HJURP: variants seen among roughly 807,000 people sequenced by gnomAD.
HJURP encodes 14-3-3-associated AKT substrate.
Under a neutral mutation model 72.0 loss-of-function variants are expected in HJURP, and 49 were observed. The observed-to-expected ratio is 0.68, with a 90% confidence interval of 0.54 to 0.86. The LOEUF (loss-of-function observed/expected upper bound fraction) is 0.86, where lower values mean the gene tolerates loss of function less well. Among genes scored for constraint, HJURP ranks in the 40% least tolerant of loss-of-function variants. The pLI is 0.00. For missense variants in HJURP, 908 were observed against 936.3 expected (o/e 0.97, Z 0.39); for synonymous variants, 357 against 347.1 (o/e 1.03, Z -0.32).
chr2:233,844,320 C>A, intron 6 of HJURP, 37 bp from the exon 7 acceptor site: 4 of 1,554,588 alleles, frequency 2.6e-6, no homozygotes, highest in Non-Finnish European at 3.6e-6. Context: ...AAAAAAGTTG[C>A]CAGGTGTCAA....
intron 8 of HJURP, among the ~76,000 whole-genome samples, chr2:233,840,168 A>G (rs965835): frequency 0.18 from 27,223 of 151,988 alleles, 3,560 homozygotes; most frequent in East Asian, 0.49. Context: ...TGGCTCTCCC[A>G]GGCCACTCTT....
In HJURP at chr2:233,841,076, T is replaced by C; in HGVS notation, c.1704A>G (p.Glu568=). 3 of 1,614,216 alleles carry C rather than the reference T, an allele frequency of 1.9e-6. No homozygotes were observed. Among genetic ancestry groups the C allele is most frequent in the Non-Finnish European group, 2.5e-6 (3 of 1,180,044 alleles). The change falls in exon 8 of 9, where the codon GAA becomes GAG. Residue 568 remains glutamate (E), a synonymous_variant. Transcript: ENST00000411486. ...PSKTLSVPDK[E]VPGHGRNRYD... Reference sequence around the variant, plus strand: ...AACGATTCCTTCCGTGGCCTGGCACTTCTTTATCTGGGACTGAAAGAGTTT... The same window carrying C: ...AACGATTCCTTCCGTGGCCTGGCACCTCTTTATCTGGGACTGAAAGAGTTT...
chr2:233,844,334 G>T, intron 6 of HJURP, 51 bp from the exon 7 acceptor site: 2 of 1,388,342 alleles, frequency 1.4e-6, no homozygotes, highest in Non-Finnish European at 2.1e-6. Flanking sequence ...GTGTCAACTG[G>T]GTGCAAGGAG....
At chr2:233,847,238 G>A (rs774022454) in intron 5 of HJURP, among the ~76,000 whole-genome samples, 159 bp downstream of exon 5, 3 of 152,264 alleles carry the variant, frequency 2.0e-5, no homozygotes, top group Middle Eastern at 3.4e-3. Flanking sequence ...GAATCGACAC[G>A]AGGAAATCCG....
Position 233,847,173 on chromosome 2 carries a change from G to C in HJURP, c.402+224C>G, listed in dbSNP as rs534792389. ...ATCATCGTGAATCAGGCTTGCACTG[G>C]GGGTAGAACTGGCTGCCAGGTGCTA... On this transcript the variant is annotated intron_variant, in intron 5 of 8. Coordinates refer to ENST00000411486, the MANE Select transcript of HJURP (RefSeq NM_018410.5). 7.2e-5 allele frequency among the ~76,000 whole-genome samples: 11 copies of C among 152,294 alleles called. No individual in the cohort carries two copies. The East Asian group carries it at 2.1e-3, about 29-fold the overall frequency.
rs1338686499 is a variant in HJURP at position 233,840,768 on chromosome 2, T to G, written c.2012A>C (p.Asp671Ala). Residue 671 changes from aspartate to alanine, a missense_variant, in exon 8 of 9, where the codon GAT becomes GCT. This residue lies in a region of HJURP where 598 missense variants were observed against 619.5 expected (regional missense o/e 0.97). Transcript: ENST00000411486. ...STCVARAITR[D>A]GTRDHQFPAK... ...AGGGAACTGATGGTCCCTCGTGCCA[T>G]CCCTCGTGATGGCACGAGCAACACA... 1 of 1,613,582 alleles carries G rather than the reference T, an allele frequency of 6.2e-7. No homozygotes were observed. The highest frequency in any genetic ancestry group is 1.3e-5 in the African/African-American group (1 of 74,850).
Position 233,841,015 on chromosome 2 carries a change from G to T in HJURP, c.1765C>A (p.Gln589Lys). 1 of 1,614,184 alleles carries T rather than the reference G, an allele frequency of 6.2e-7. No homozygotes were observed. Among genetic ancestry groups the T allele is most frequent in the Non-Finnish European group, 8.5e-7 (1 of 1,180,032 alleles). The part of the protein sequence containing the change: ...EIKEEFDKLH[Q>K]KYCLKSPGQM... Reference sequence around the variant, plus strand: ...CCAGGAGATTTGAGGCAATACTTTTGATGAAGCTTGTCAAATTCTTCTTTA... The same window carrying T: ...CCAGGAGATTTGAGGCAATACTTTTTATGAAGCTTGTCAAATTCTTCTTTA... Residue 589 changes from glutamine to lysine, a missense_variant, in exon 8 of 9, where the codon CAA (glutamine) becomes AAA (lysine). Physicochemically the swap from Gln to Lys is moderately conservative, Grantham distance 53 (BLOSUM62 1). Around this residue, in one of 3 missense-constraint regions of HJURP, gnomAD observed 598 missense variants for 619.5 expected, o/e 0.97. Coordinates refer to ENST00000411486, the MANE Select transcript of HJURP (RefSeq NM_018410.5).
At chr2:233,851,351 A>G (rs558186609) in intron 3 of HJURP, among the ~76,000 whole-genome samples, 1 of 152,202 alleles carries the variant, frequency 6.6e-6, no homozygotes, top group Non-Finnish European at 1.5e-5. Context: ...ATAAAGTTTT[A>G]TTGGAACACT....
At chr2:233,851,004 G>A (rs928175363) in intron 3 of HJURP, among the ~76,000 whole-genome samples, 7 of 152,250 alleles carry the variant, frequency 4.6e-5, no homozygotes, top group African/African-American at 2.4e-5. Context: ...AGCAATTACA[G>A]TGAAGTCAGA....
chr2:233,849,921 C>A (rs1009322982), intron 3 of HJURP, 62 bp from the exon 4 acceptor site: 8 of 986,282 alleles, frequency 8.1e-6, no homozygotes, highest in Non-Finnish European at 1.3e-5. Context: ...TCAAAGTCAC[C>A]GCAAAATAAT....
At chr2:233,837,935 A>G (rs2124955934) in intron 8 of HJURP, among the ~76,000 whole-genome samples, 1 of 152,376 alleles carries the variant, frequency 6.6e-6, no homozygotes, top group Non-Finnish European at 1.5e-5. Flanking sequence ...GAGTGAATTT[A>G]GGAGTTCTAA....
At position 233,841,788 on chromosome 2, in the gene HJURP, A is replaced by G. The variant is rs1298448475; in HGVS notation, c.992T>C (p.Val331Ala). Residue 331 changes from valine (V) to alanine (A), a missense_variant, in exon 8 of 9, where the codon GTG becomes GCG. Transcript: ENST00000411486. ...ATCTCTTAATGCCCCTGTCCCTTTC[A>G]CAGGCTCAGAGCAGGGTATGAAGTT... ...KENFIPCSEP[V>A]KGTGALRDCK... 1 of 1,614,134 alleles carries G rather than the reference A, an allele frequency of 6.2e-7. No homozygotes were observed. Among genetic ancestry groups the G allele is most frequent in the South Asian group, 1.1e-5 (1 of 91,084 alleles).
chr2:233,841,628 A>C lies in HJURP; in HGVS notation c.1152T>G (p.Tyr384Ter). 6.8e-6 allele frequency: 11 copies of C among 1,614,136 alleles called. No individual in the cohort carries two copies. The highest frequency in any genetic ancestry group is 9.3e-6 in the Non-Finnish European group (11 of 1,179,946). The stretch of plus-strand genomic sequence containing the variant: ...TGGAGTCGAAGTAAATCAAGGAAGA[A>C]TACTTCGAGGGTGTCACTTTGCGCT... ...WKERKVTPSK[Y>*]SSLIYFDSSA... The change falls in exon 8 of 9, where the codon TAT becomes TAG. Residue 384 changes from tyrosine (Y) to a stop codon, truncating the protein, a stop_gained. Transcript: ENST00000411486. LOFTEE classifies it high-confidence loss of function.
intron 3 of HJURP, among the ~76,000 whole-genome samples, 192 bp downstream of exon 3, chr2:233,852,373 G>A (rs1247287927): frequency 6.6e-6 from 1 of 152,214 alleles, no homozygotes. Context: ...ATTACACAGT[G>A]ACTCCTTGCA....
Position 233,847,475 on chromosome 2 carries a change from A to G in HJURP, c.338-14T>C, listed in dbSNP as rs770561222. ...CGCTTTTTGAATCTAAAAGTCAAAC[A>G]AGTAAATCTCAATCAGGATTTTCAG... On this transcript the variant is annotated splice_polypyrimidine_tract_variant and intron_variant, in intron 4 of 8. Transcript: ENST00000411486. The G allele has an allele frequency of 1.2e-6, 2 of 1,611,324 alleles. No individual in the cohort carries two copies. The highest frequency in any genetic ancestry group is 1.7e-6 in the Non-Finnish European group (2 of 1,177,390).
chr2:233,850,970 G>A lies in HJURP; in HGVS notation c.241-1111C>T, dbSNP rs967243959. On this transcript the variant is annotated intron_variant, in intron 3 of 8. Coordinates refer to ENST00000411486, the MANE Select transcript of HJURP (RefSeq NM_018410.5). Reference sequence around the variant, plus strand: ...CCAAGTCGTCTGGGAAAAGGTGAAGGCGGATCTGGACACTGTCACCAATAG... The same window carrying A: ...CCAAGTCGTCTGGGAAAAGGTGAAGACGGATCTGGACACTGTCACCAATAG... 1.5e-4 allele frequency among the ~76,000 whole-genome samples: 23 copies of A among 152,254 alleles called. 1 individual carries two copies. Among genetic ancestry groups the A allele is most frequent in the Admixed American group, 1.2e-3 (18 of 15,288 alleles).
At chr2:233,847,801 G>A (rs920529231) in intron 4 of HJURP, among the ~76,000 whole-genome samples, 7 of 152,194 alleles carry the variant, frequency 4.6e-5, no homozygotes, top group Admixed American at 3.3e-4. Flanking sequence ...TGCTGTCCTA[G>A]GCCAGCCACT....
At chr2:233,842,700 CTGAG>C (rs1295000999) in intron 7 of HJURP, among the ~76,000 whole-genome samples, 10 of 151,636 alleles carry the variant, frequency 6.6e-5, no homozygotes, top group Admixed American at 6.6e-4. Context: ...TCCAAATACT[CTGAG>C]TGTCTGCCTC....
At position 233,841,196 on chromosome 2, in the gene HJURP, G is replaced by T. The variant is rs769114291; in HGVS notation, c.1584C>A (p.Asn528Lys). The T allele has an allele frequency of 6.2e-7, 1 of 1,614,218 alleles. No individual in the cohort carries two copies. Among genetic ancestry groups the T allele is most frequent in the Admixed American group, 1.7e-5 (1 of 60,026 alleles). The change falls in exon 8 of 9, where the codon AAC (asparagine) becomes AAA (lysine). Residue 528 changes from asparagine (N) to lysine (K), a missense_variant. Transcript: ENST00000411486. ...SDSSSSLPKT[N>K]PTHSATRPQQ... ...GCGGGCGAGTTGCGCTGTGTGTGGG[G>T]TTGGTCTTTGGAAGTGATGAAGATG...
Sources: gnomAD v4.1 joint callset for allele counts (sites outside exome capture counted in the v4.1 genomes callset) on GRCh38, gnomAD v4.1.1 for gene constraint, gnomAD v4.1.1 regional missense constraint, MANE v1.5 for transcripts, NCBI Gene and HGNC (gene_info 2026-07-23, HGNC 2026-07-21) for gene names.